CBLB: variants seen among roughly 807,000 people sequenced by gnomAD.
CBLB encodes the protein E3 ubiquitin-protein ligase CBL-B.
CBLB carries 31 observed loss-of-function variants against 104.9 expected under a neutral mutation model. That is an observed-to-expected ratio of 0.30 (90% CI 0.22 to 0.40). The LOEUF (loss-of-function observed/expected upper bound fraction) is 0.40. Among genes scored for constraint, CBLB ranks in the 10% least tolerant of loss-of-function variants. The pLI is 1.00. For missense variants in CBLB, 1,062 were observed against 1,214.6 expected (o/e 0.87, Z 1.87); for synonymous variants, 440 against 422.6 (o/e 1.04, Z -0.51).
intron 3 of CBLB, among the ~76,000 whole-genome samples, chr3:105,809,142 C>A (rs1006840284): frequency 6.6e-6 from 1 of 152,156 alleles, no homozygotes; most frequent in African/African-American, 2.4e-5. Flanking sequence ...TAGAAGCAGA[C>A]AAATACACAC....
chr3:105,682,071 T>G (rs1305781553), intron 14 of CBLB: 1 of 471,290 alleles, frequency 2.1e-6, no homozygotes, highest in African/African-American at 2.0e-5. Context: ...CAAAAATTGT[T>G]GATATCCTAA....
chr3:105,727,794 T>G (rs145430320), intron 9 of CBLB, among the ~76,000 whole-genome samples: 140 of 152,326 alleles, frequency 9.2e-4, no homozygotes, highest in African/African-American at 3.2e-3. Flanking sequence ...GTTTATTAAA[T>G]AGGGAATCCT....
chr3:105,772,294 T>C (rs1251817663), intron 4 of CBLB, among the ~76,000 whole-genome samples: 4 of 152,094 alleles, frequency 2.6e-5, no homozygotes, highest in African/African-American at 9.7e-5. Flanking sequence ...TTCAATAAAC[T>C]GTGCTGGAAA....
At chr3:105,660,322 G>A (rs537494833) in intron 18 of CBLB, among the ~76,000 whole-genome samples, 2 of 151,892 alleles carry the variant, frequency 1.3e-5, no homozygotes, top group Non-Finnish European at 2.9e-5. Context: ...CAAGTAGCTG[G>A]GATTACAGGC....
chr3:105,797,454 CAGG>C (rs1264136816), intron 3 of CBLB, among the ~76,000 whole-genome samples: 2 of 148,898 alleles, frequency 1.3e-5, no homozygotes, highest in Non-Finnish European at 3.0e-5. Context: ...GGGTGAAGGG[CAGG>C]AGGAGAGAGA....
At chr3:105,773,876 T>C (rs1293553762) in intron 4 of CBLB, among the ~76,000 whole-genome samples, 2 of 152,246 alleles carry the variant, frequency 1.3e-5, no homozygotes, top group Non-Finnish European at 2.9e-5. Flanking sequence ...AAATTTGCCA[T>C]GATACATGTG....
intron 3 of CBLB, among the ~76,000 whole-genome samples, chr3:105,795,100 G>A (rs1374424123): frequency 6.6e-6 from 1 of 152,086 alleles, no homozygotes; most frequent in Non-Finnish European, 1.5e-5. Context: ...TTTTAGTAGA[G>A]ACAGGGTTTC....
intron 18 of CBLB, among the ~76,000 whole-genome samples, chr3:105,664,981 C>T (rs1252554280): frequency 6.6e-6 from 1 of 152,082 alleles, no homozygotes; most frequent in Non-Finnish European, 1.5e-5. Context: ...ACAACATAAA[C>T]TTTATTAACA....
intron 9 of CBLB, among the ~76,000 whole-genome samples, chr3:105,730,212 A>C (rs1411316501): frequency 1.3e-5 from 2 of 152,074 alleles, no homozygotes; most frequent in African/African-American, 4.8e-5. Flanking sequence ...GCATACAATA[A>C]ACGTAAAATA....
intron 3 of CBLB, among the ~76,000 whole-genome samples, chr3:105,830,783 C>A (rs555999156): frequency 6.6e-6 from 1 of 152,288 alleles, no homozygotes; most frequent in East Asian, 1.9e-4. Flanking sequence ...TCAATTAAAG[C>A]ACAATGAACC....
chr3:105,765,094 T>C lies in CBLB; in HGVS notation c.566+11302A>G, dbSNP rs550349342. Among the ~76,000 whole-genome samples the C allele has an allele frequency of 6.6e-5, 10 of 152,284 alleles. No individual in the cohort carries two copies. In the East Asian group the frequency reaches 1.9e-3, roughly 29 times the overall value. On this transcript the variant is annotated intron_variant, in intron 4 of 18. Transcript: ENST00000394030. The stretch of plus-strand genomic sequence containing the variant: ...AAGTGCTGATGTAGAAGCAACAAGT[T>C]ATACAGAAGATCTAGCTAAGATCAT...
chr3:105,864,812 G>T (rs1402238141), intron 2 of CBLB, among the ~76,000 whole-genome samples: 7 of 152,092 alleles, frequency 4.6e-5, no homozygotes, highest in Non-Finnish European at 5.9e-5. Flanking sequence ...ATACTCACTA[G>T]ATATTTCCCC....
chr3:105,844,788 A>G (rs1341551990), intron 3 of CBLB, among the ~76,000 whole-genome samples: 4 of 152,170 alleles, frequency 2.6e-5, no homozygotes, highest in Admixed American at 2.6e-4. Context: ...TCTTTGTTAA[A>G]TCACTGAAAA....
intron 3 of CBLB, among the ~76,000 whole-genome samples, chr3:105,783,892 T>C (rs989383740): frequency 2.6e-5 from 4 of 152,184 alleles, no homozygotes; most frequent in African/African-American, 9.7e-5. Context: ...AACAGCAGTA[T>C]GCATGAAGAG....
chr3:105,754,747 C>T (rs1251994755), intron 4 of CBLB, among the ~76,000 whole-genome samples: 2 of 152,198 alleles, frequency 1.3e-5, no homozygotes, highest in Non-Finnish European at 2.9e-5. Context: ...AGCCATGCAC[C>T]TGTAATAATA....
At chr3:105,751,703 T>C in intron 4 of CBLB, 85 bp from the exon 5 acceptor site, 1 of 945,944 alleles carries the variant, frequency 1.1e-6, no homozygotes, top group Non-Finnish European at 1.7e-6. Flanking sequence ...AATTCAATAA[T>C]AAAATTAATA....
intron 3 of CBLB, among the ~76,000 whole-genome samples, chr3:105,809,988 A>G (rs1400543417): frequency 1.3e-5 from 2 of 152,214 alleles, no homozygotes; most frequent in African/African-American, 2.4e-5. Context: ...TAAAATTACT[A>G]AAGAAACATA....
chr3:105,659,124 A>C lies in CBLB; in HGVS notation c.2795T>G (p.Val932Gly). 6.2e-7 allele frequency: 1 copy of C among 1,613,940 alleles called. No homozygotes were observed. The highest frequency in any genetic ancestry group is 8.5e-7 in the Non-Finnish European group (1 of 1,179,928). Residue 932 changes from valine (V) to glycine (G), a missense_variant, in exon 19 of 19, where the codon GTC becomes GGC. Around this residue, in one of 2 missense-constraint regions of CBLB, gnomAD observed 605 missense variants for 582.6 expected, o/e 1.04. Transcript: ENST00000394030. The part of the protein sequence containing the change: ...PHGPEAALEN[V>G]DAKIAKLMGE... ...CATGAGTTTTGCAATTTTTGCATCG[A>C]CATTTTCCAATGCCGCCTCAGGCCC...
At chr3:105,802,117 C>T (rs2082947088) in intron 3 of CBLB, among the ~76,000 whole-genome samples, 1 of 152,014 alleles carries the variant, frequency 6.6e-6, no homozygotes, top group African/African-American at 2.4e-5. Flanking sequence ...TCTGAAATAC[C>T]CCAGGGAGAA....
Sources: gnomAD v4.1 joint callset for allele counts (sites outside exome capture counted in the v4.1 genomes callset) on GRCh38, gnomAD v4.1.1 for gene constraint, gnomAD v4.1.1 regional missense constraint, MANE v1.5 for transcripts, NCBI Gene and HGNC (gene_info 2026-07-23, HGNC 2026-07-21) for gene names.